RMST: variants seen among roughly 807,000 people sequenced by gnomAD.
RMST encodes the protein rhabdomyosarcoma 2 associated transcript.
chr12:97,504,856 C>T (rs1285105256), intron 10 of RMST, among the ~76,000 whole-genome samples: 1 of 152,146 alleles, frequency 6.6e-6, no homozygotes, highest in African/African-American at 2.4e-5. Flanking sequence ...ATGCATTGCT[C>T]TACTGAGTTC....
chr12:97,527,560 A>T (rs1217864632), intron 10 of RMST, among the ~76,000 whole-genome samples: 2 of 152,216 alleles, frequency 1.3e-5, no homozygotes, highest in Non-Finnish European at 2.9e-5. Context: ...AGATTCTTCA[A>T]GGCAATGCCA....
intron 5 of RMST, among the ~76,000 whole-genome samples, chr12:97,486,033 G>A (rs1426586249): frequency 6.6e-6 from 1 of 152,170 alleles, no homozygotes. Flanking sequence ...GCATCCTTTT[G>A]TAGAGACTGC....
At chr12:97,534,738 T>G (rs1881936537) in intron 11 of RMST, among the ~76,000 whole-genome samples, 1 of 151,772 alleles carries the variant, frequency 6.6e-6, no homozygotes, top group South Asian at 2.1e-4. Flanking sequence ...GTCCCAGCCC[T>G]GACATTTTCT....
At chr12:97,553,938 CTTTTCTTTCTCT>C (rs1391907202) in intron 11 of RMST, among the ~76,000 whole-genome samples, 2 of 138,958 alleles carry the variant, frequency 1.4e-5, no homozygotes, top group Non-Finnish European at 3.2e-5. Flanking sequence ...GGTGATTTTT[CTTTTCTTTCTCT>C]TTTTTTTTTT....
intron 11 of RMST, among the ~76,000 whole-genome samples, chr12:97,531,860 G>A (rs1881653262): frequency 6.6e-6 from 1 of 151,826 alleles, no homozygotes; most frequent in Non-Finnish European, 1.5e-5. Flanking sequence ...TTACATTTTG[G>A]AAACAAATTT....
intron 5 of RMST, among the ~76,000 whole-genome samples, chr12:97,466,477 G>A (rs767522875): frequency 1.3e-5 from 2 of 152,052 alleles, no homozygotes; most frequent in Non-Finnish European, 2.9e-5. Context: ...TATCTATTAT[G>A]TATATGAACA....
intron 5 of RMST, among the ~76,000 whole-genome samples, chr12:97,488,328 C>T (rs1876358978): frequency 6.6e-6 from 1 of 152,070 alleles, no homozygotes; most frequent in Non-Finnish European, 1.5e-5. Context: ...CAGCGAGGAA[C>T]CTAGGTGGGT....
At chr12:97,474,388 G>C (rs1313022814) in intron 5 of RMST, among the ~76,000 whole-genome samples, 1 of 152,002 alleles carries the variant, frequency 6.6e-6, no homozygotes, top group Non-Finnish European at 1.5e-5. Context: ...TCTCACTGCT[G>C]TCTGCTCTGA....
intron 5 of RMST, among the ~76,000 whole-genome samples, chr12:97,466,433 T>G (rs1873202749): frequency 1.3e-5 from 2 of 152,120 alleles, no homozygotes; most frequent in South Asian, 4.1e-4. Context: ...AAGATTTAAT[T>G]TTAGGTATTT....
At chr12:97,475,950 G>A (rs934018724) in intron 5 of RMST, among the ~76,000 whole-genome samples, 5 of 152,144 alleles carry the variant, frequency 3.3e-5, no homozygotes, top group Non-Finnish European at 7.3e-5. Flanking sequence ...ATCACATACT[G>A]ACGTTGTTTG....
At chr12:97,498,083 T>C (rs1460126592) in intron 10 of RMST, among the ~76,000 whole-genome samples, 1 of 152,164 alleles carries the variant, frequency 6.6e-6, no homozygotes, top group East Asian at 1.9e-4. Flanking sequence ...CAAGGACTCC[T>C]TGGGTCTAGG....
intron 10 of RMST, among the ~76,000 whole-genome samples, chr12:97,508,004 G>A (rs907177680): frequency 2.0e-5 from 3 of 152,170 alleles, no homozygotes; most frequent in African/African-American, 7.2e-5. Context: ...AAACTCAGTG[G>A]TATCAAATTT....
rs530719009 is a variant in RMST, at chr12:97,552,193, G to A, written n.1546-8344G>A. ...TAATGATACTAATGACTGAAGCTGA[G>A]TTTGTGCATAGAGGAAGAATCAGAT... On this transcript the variant is annotated intron_variant and non_coding_transcript_variant, in intron 11 of 13. Coordinates refer to ENST00000640149, the Ensembl canonical transcript of RMST. The A allele has an allele frequency of 2.4e-4, 36 of 152,260 alleles. 1 individual carries two copies. The highest frequency in any genetic ancestry group is 8.2e-4 in the African/African-American group (34 of 41,578). 9.4% of individuals were successfully genotyped at this position (152,260 alleles called of 1,614,324 possible).
chr12:97,505,093 C>G (rs1275265797), intron 10 of RMST, among the ~76,000 whole-genome samples: 2 of 152,128 alleles, frequency 1.3e-5, no homozygotes, highest in African/African-American at 4.8e-5. Flanking sequence ...TATTTTCTCT[C>G]TGGGATTTAT....
intron 5 of RMST, among the ~76,000 whole-genome samples, chr12:97,482,923 A>G (rs1875600081): frequency 6.6e-6 from 1 of 151,382 alleles, no homozygotes; most frequent in South Asian, 2.1e-4. Flanking sequence ...GATTTTTTCT[A>G]TTTTTGAAGT....
rs904607325 is a variant in RMST at position 97,507,722 on chromosome 12, T to C, written n.1340+11666T>C. ...ATGGAACTCAAAATGTTGTGAGTGTTTCATTCTTATTTTGTATGTCTTGAG... is the reference window on the plus strand; with the variant it reads ...ATGGAACTCAAAATGTTGTGAGTGTCTCATTCTTATTTTGTATGTCTTGAG... On this transcript the variant is annotated intron_variant and non_coding_transcript_variant, in intron 10 of 13. Transcript: ENST00000640149. Among the ~76,000 whole-genome samples, 54 of 152,230 alleles carry C rather than the reference T, an allele frequency of 3.5e-4. 1 individual carries two copies.
intron 5 of RMST, among the ~76,000 whole-genome samples, chr12:97,480,547 C>T (rs1224176380): frequency 6.6e-6 from 1 of 152,174 alleles, no homozygotes; most frequent in Non-Finnish European, 1.5e-5. Context: ...ACCTAACATG[C>T]AACCCAAAGC....
intron 11 of RMST, among the ~76,000 whole-genome samples, chr12:97,544,964 A>G (rs1049024153): frequency 6.6e-6 from 1 of 152,128 alleles, no homozygotes; most frequent in African/African-American, 2.4e-5. Context: ...AATAAATGAC[A>G]TCTATTAATA....
chr12:97,480,660 TC>T (rs2136418771), intron 5 of RMST, among the ~76,000 whole-genome samples: 1 of 152,196 alleles, frequency 6.6e-6, no homozygotes, highest in Admixed American at 6.5e-5. Flanking sequence ...ATCTGCTGCT[TC>T]CTCCCTCTTT....
Sources: gnomAD v4.1 joint callset for allele counts (sites outside exome capture counted in the v4.1 genomes callset) on GRCh38, gnomAD v4.1.1 for gene constraint, MANE v1.5 for transcripts, NCBI Gene and HGNC (gene_info 2026-07-23, HGNC 2026-07-21) for gene names.